The following MAP2K4 variants were observed in gnomAD, a reference collection of about 807,000 sequenced individuals.
MAP2K4 encodes mitogen-activated protein kinase kinase 4.
In MAP2K4, 4 loss-of-function variants were observed where a neutral mutation model predicts 48.5. That is an observed-to-expected ratio of 0.08 (90% CI 0.04 to 0.19). The LOEUF is 0.19. Among genes scored for constraint, MAP2K4 ranks in the 10% least tolerant of loss-of-function variants. MAP2K4 has a pLI of 1.00. For synonymous variants in MAP2K4, 166 were observed against 173.1 expected, an observed-to-expected ratio of 0.96 and a Z score of 0.32; for missense variants, 258 against 493.3, an observed-to-expected ratio of 0.52 and a Z score of 4.52.
At chr17:12,101,019 A>C (rs1484968501) in intron 4 of MAP2K4, among the ~76,000 whole-genome samples, 1 of 152,062 alleles carries the variant, frequency 6.6e-6, no homozygotes, top group African/African-American at 2.4e-5. Context: ...ATCTTTATAT[A>C]TATCTATTCT....
Position 12,129,279 on chromosome 17 carries a change from C to G in MAP2K4, c.1032C>G (p.Val344=). ...TCTCCCCGAGTTTCATCAACTTTGT[C>G]AACTTGTGGTGAGTACCTGATTTAT... ...REFSPSFINF[V]NLCLTKDESK... is the part of the protein sequence containing the mutation. Residue 344 remains valine (V), a synonymous_variant, in exon 9 of 11, where the codon GTC becomes GTG. Transcript: ENST00000353533. The G allele has an allele frequency of 6.2e-7, 1 of 1,614,204 alleles. No individual in the cohort carries two copies. The highest frequency in any genetic ancestry group is 1.1e-5 in the South Asian group (1 of 91,084).
intron 2 of MAP2K4, among the ~76,000 whole-genome samples, chr17:12,058,885 A>G: frequency 6.6e-6 from 1 of 152,192 alleles, no homozygotes; most frequent in East Asian, 1.9e-4. Flanking sequence ...AAGGTCCTGC[A>G]TTCTATGCAG....
chr17:12,031,205 C>G (rs760245879), intron 1 of MAP2K4, among the ~76,000 whole-genome samples: 3 of 152,172 alleles, frequency 2.0e-5, no homozygotes, highest in Non-Finnish European at 2.9e-5. Flanking sequence ...TGGATTACTT[C>G]GGTGGTGCAC....
At chr17:12,109,997 C>G (rs887689877) in intron 5 of MAP2K4, among the ~76,000 whole-genome samples, 2 of 151,528 alleles carry the variant, frequency 1.3e-5, no homozygotes, top group African/African-American at 4.9e-5. Context: ...AGGCATGCAT[C>G]TGTAGTCCCA....
At chr17:12,132,101 C>G (rs1339709684) in intron 9 of MAP2K4, among the ~76,000 whole-genome samples, 1 of 152,148 alleles carries the variant, frequency 6.6e-6, no homozygotes, top group African/African-American at 2.4e-5. Flanking sequence ...TGGTGAGGAT[C>G]TGAAGCAACT....
chr17:12,119,194 A>G (rs141896952), intron 7 of MAP2K4, among the ~76,000 whole-genome samples: 1 of 152,378 alleles, frequency 6.6e-6, no homozygotes, highest in Non-Finnish European at 1.5e-5. Context: ...AGAAACTATC[A>G]ACAGAGTAAA....
At chr17:12,122,203 T>A (rs1972716413) in intron 7 of MAP2K4, among the ~76,000 whole-genome samples, 1 of 152,258 alleles carries the variant, frequency 6.6e-6, no homozygotes. Flanking sequence ...AGTGCTAACT[T>A]ACTGAGGATG....
At chr17:12,030,555 A>G (rs1969402602) in intron 1 of MAP2K4, among the ~76,000 whole-genome samples, 1 of 152,218 alleles carries the variant, frequency 6.6e-6, no homozygotes, top group African/African-American at 2.4e-5. Context: ...CTTAGCTTTT[A>G]ATGTGTTAGA....
intron 2 of MAP2K4, among the ~76,000 whole-genome samples, chr17:12,072,539 A>G (rs777006552): frequency 4.5e-4 from 68 of 152,198 alleles, no homozygotes; most frequent in Non-Finnish European, 5.9e-4. Context: ...CTTGAATCCA[A>G]CTACAATTAG....
At chr17:12,079,538 G>A (rs1022939038) in intron 2 of MAP2K4, among the ~76,000 whole-genome samples, 4 of 152,248 alleles carry the variant, frequency 2.6e-5, no homozygotes, top group East Asian at 1.9e-4. Flanking sequence ...CACTAAGAAG[G>A]TGGGGATCAT....
At chr17:12,101,859 C>T (rs928927334) in intron 4 of MAP2K4, among the ~76,000 whole-genome samples, 1 of 151,970 alleles carries the variant, frequency 6.6e-6, no homozygotes, top group Non-Finnish European at 1.5e-5. Context: ...TTATATTGAT[C>T]TTGTGTGCAG....
intron 1 of MAP2K4, among the ~76,000 whole-genome samples, chr17:12,027,351 C>T (rs1969285002): frequency 6.6e-6 from 1 of 152,038 alleles, no homozygotes; most frequent in East Asian, 1.9e-4. Flanking sequence ...TTCTCCACCA[C>T]GGAGAAAGAG....
intron 9 of MAP2K4, among the ~76,000 whole-genome samples, chr17:12,134,420 A>G (rs974687631): frequency 3.3e-5 from 5 of 152,222 alleles, no homozygotes; most frequent in African/African-American, 1.2e-4. Context: ...ATGATTCCTG[A>G]ACTGAATGGG....
rs1973419152 is a variant in MAP2K4 at position 12,142,959 on chromosome 17, CAT to C, written c.*1701_*1702del. On this transcript the variant is annotated 3_prime_UTR_variant, in exon 11 of 11. Transcript: ENST00000353533. ...CTGTGTCTCCTCTCAGAGTGACAGT[CAT>C]AAATACTGTCAAACAATAAAGGGAG... 4.3e-6 allele frequency: 1 copy of C among 232,816 alleles called. No homozygotes were observed. The highest frequency in any genetic ancestry group is 1.3e-3 in the Middle Eastern group (1 of 786). The allele number at this position is 232,816 out of a possible 1,614,324, so 14.4% of individuals were successfully genotyped here.
chr17:12,094,031 T>C (rs1037334705), intron 3 of MAP2K4, among the ~76,000 whole-genome samples: 2 of 152,214 alleles, frequency 1.3e-5, no homozygotes, highest in African/African-American at 4.8e-5. Context: ...AGATTATTAA[T>C]CCATAAACTA....
At chr17:12,078,076 C>G (rs1971071214) in intron 2 of MAP2K4, among the ~76,000 whole-genome samples, 1 of 152,188 alleles carries the variant, frequency 6.6e-6, no homozygotes, top group Non-Finnish European at 1.5e-5. Context: ...AGGGCCTTAA[C>G]ATGTGGATTT....
chr17:12,103,648 CTGAG>C (rs1972013818), intron 4 of MAP2K4, among the ~76,000 whole-genome samples: 1 of 152,080 alleles, frequency 6.6e-6, no homozygotes, highest in Non-Finnish European at 1.5e-5. Context: ...CATCACTACC[CTGAG>C]TGTTTCCTTT....
rs78160763 is a variant in MAP2K4 at position 12,068,366 on chromosome 17, A to G, written c.219-12990A>G. ...AATTATTCTGGCTGCCGTGTGGACT[A>G]TGTACTGAAAGGAGGTAAGAATATA... On this transcript the variant is annotated intron_variant, in intron 2 of 10. Coordinates refer to ENST00000353533, the MANE Select transcript of MAP2K4 (RefSeq NM_003010.4). Among the ~76,000 whole-genome samples, 715 of 152,312 alleles carry G rather than the reference A, an allele frequency of 4.7e-3. 15 individuals carry two copies. The East Asian group carries it at 0.087, about 18-fold the overall frequency.
chr17:12,125,826 A>G (rs1019265754), intron 8 of MAP2K4, among the ~76,000 whole-genome samples: 1 of 152,230 alleles, frequency 6.6e-6, no homozygotes, highest in Non-Finnish European at 1.5e-5. Flanking sequence ...GCAATATTCT[A>G]TTCACTGAAT....
Sources: gnomAD v4.1 joint callset for allele counts (sites outside exome capture counted in the v4.1 genomes callset) on GRCh38, gnomAD v4.1.1 for gene constraint, MANE v1.5 for transcripts, NCBI Gene and HGNC (gene_info 2026-07-23, HGNC 2026-07-21) for gene names.